PRKCE: variants seen among roughly 807,000 people sequenced by gnomAD.
The protein encoded by PRKCE is protein kinase C epsilon, also known as protein kinase C epsilon type.
In PRKCE, 16 loss-of-function variants were observed where a neutral mutation model predicts 85.4. That is an observed-to-expected ratio of 0.19 (90% confidence interval 0.13 to 0.28). PRKCE has a LOEUF of 0.28. Ranked by LOEUF, PRKCE falls within the 10% of genes least tolerant of loss-of-function variation. PRKCE has a pLI of 1.00. For synonymous variants in PRKCE, 388 were observed against 371.5 expected (o/e 1.04, Z -0.51); for missense variants, 573 against 975.2 (o/e 0.59, Z 5.49).
chr2:46,147,750 A>G (rs1676222286), intron 12 of PRKCE, among the ~76,000 whole-genome samples: 1 of 152,348 alleles, frequency 6.6e-6, no homozygotes, highest in South Asian at 2.1e-4. Context: ...TGCTGGCTAA[A>G]TGGTGGCTTC....
rs145586538 is a variant in PRKCE at position 46,107,239 on chromosome 2, G to A, written c.1592+20877G>A. 5.7e-3 allele frequency among the ~76,000 whole-genome samples: 862 copies of A among 152,224 alleles called. 10 individuals are homozygous for A. The highest frequency in any genetic ancestry group is 0.02 in the African/African-American group (818 of 41,514). The stretch of plus-strand genomic sequence containing the variant: ...GCCTTTGCAGAATGCCATTTAATTG[G>A]AATCAGACAGTGTGTAACCTTTTCA... On this transcript the variant is annotated intron_variant, in intron 11 of 14. Coordinates refer to ENST00000306156, the MANE Select transcript of PRKCE (RefSeq NM_005400.3).
chr2:46,037,893 G>C (rs972865369), intron 10 of PRKCE, among the ~76,000 whole-genome samples: 1 of 152,140 alleles, frequency 6.6e-6, no homozygotes, highest in Non-Finnish European at 1.5e-5. Context: ...GTTGGTTGTC[G>C]TTGGGCAAAT....
intron 13 of PRKCE, among the ~76,000 whole-genome samples, chr2:46,157,121 T>C (rs1050960407): frequency 6.6e-6 from 1 of 152,232 alleles, no homozygotes; most frequent in African/African-American, 2.4e-5. Context: ...TCTGAATCAC[T>C]GCAGAGGACT....
intron 13 of PRKCE, among the ~76,000 whole-genome samples, chr2:46,158,801 T>A (rs1004049877): frequency 1.3e-5 from 2 of 152,188 alleles, no homozygotes; most frequent in African/African-American, 4.8e-5. Flanking sequence ...CTACTGGCAC[T>A]TTTTTTCCCC....
intron 10 of PRKCE, among the ~76,000 whole-genome samples, chr2:46,060,722 T>C (rs1438537965): frequency 2.0e-5 from 3 of 151,908 alleles, no homozygotes; most frequent in Admixed American, 1.3e-4. Flanking sequence ...GTCAATCTTA[T>C]AGTCAGATTT....
intron 1 of PRKCE, among the ~76,000 whole-genome samples, chr2:45,802,248 C>T (rs1293322725): frequency 1.3e-5 from 2 of 152,046 alleles, no homozygotes; most frequent in Non-Finnish European, 2.9e-5. Context: ...CAGAGTGAGA[C>T]CCTATCATTC....
At chr2:45,690,706 G>A (rs1572954444) in intron 1 of PRKCE, among the ~76,000 whole-genome samples, 1 of 152,154 alleles carries the variant, frequency 6.6e-6, no homozygotes, top group East Asian at 1.9e-4. Flanking sequence ...AAGAAAGGGA[G>A]TTGTAGAATT....
At chr2:46,000,474 C>T (rs1441935269) in intron 6 of PRKCE, among the ~76,000 whole-genome samples, 2 of 151,626 alleles carry the variant, frequency 1.3e-5, no homozygotes, top group Non-Finnish European at 2.9e-5. Flanking sequence ...AAAAAACAAC[C>T]CTCAACCTCT....
intron 12 of PRKCE, among the ~76,000 whole-genome samples, chr2:46,148,938 A>G (rs988141781): frequency 5.3e-5 from 8 of 152,214 alleles, no homozygotes; most frequent in Non-Finnish European, 1.2e-4. Context: ...CTTACAGCTC[A>G]AGGAACACTA....
chr2:46,007,633 A>G lies in PRKCE; in HGVS notation c.1235A>G (p.Lys412Arg). Residue 412 changes from lysine (K) to arginine (R), a missense_variant, in exon 9 of 15, where the codon AAG (lysine) becomes AGG (arginine). Coordinates refer to ENST00000306156, the MANE Select transcript of PRKCE (RefSeq NM_005400.3). ...RLGLDEFNFI[K>R]VLGKGSFGKV... is the part of the protein sequence containing the mutation. ...GGCCTGGATGAGTTCAACTTCATCA[A>G]GGTGTTGGGCAAAGGCAGCTTTGGC... 1.3e-6 allele frequency: 2 copies of G among 1,599,800 alleles called. No individual in the cohort carries two copies. The highest frequency in any genetic ancestry group is 2.2e-5 in the East Asian group (1 of 44,876).
intron 1 of PRKCE, among the ~76,000 whole-genome samples, chr2:45,817,397 T>C (rs1351596109): frequency 6.6e-6 from 1 of 152,146 alleles, no homozygotes; most frequent in African/African-American, 2.4e-5. Context: ...AATACTTTCT[T>C]TAAAAAAACT....
chr2:45,699,936 G>A (rs958594913), intron 1 of PRKCE, among the ~76,000 whole-genome samples: 2 of 151,778 alleles, frequency 1.3e-5, no homozygotes, highest in Non-Finnish European at 2.9e-5. Context: ...GGGGAGCTGA[G>A]GGGTGCAGGG....
At chr2:45,969,830 G>T (rs547476015) in intron 2 of PRKCE, among the ~76,000 whole-genome samples, 2 of 152,120 alleles carry the variant, frequency 1.3e-5, no homozygotes, top group Non-Finnish European at 2.9e-5. Context: ...TGACATTGGG[G>T]TGTATTATTG....
intron 1 of PRKCE, among the ~76,000 whole-genome samples, chr2:45,759,170 C>T (rs1334903594): frequency 6.6e-6 from 1 of 152,200 alleles, no homozygotes; most frequent in Non-Finnish European, 1.5e-5. Context: ...TCTCTAGACA[C>T]ATACAGGGAC....
At chr2:45,667,272 C>T (rs1243896936) in intron 1 of PRKCE, among the ~76,000 whole-genome samples, 1 of 152,108 alleles carries the variant, frequency 6.6e-6, no homozygotes, top group Non-Finnish European at 1.5e-5. Context: ...GATCACACCA[C>T]TGCACTCCAG....
intron 10 of PRKCE, among the ~76,000 whole-genome samples, chr2:46,085,856 T>A (rs1210020677): frequency 2.0e-5 from 3 of 147,618 alleles, no homozygotes; most frequent in Non-Finnish European, 4.5e-5. Context: ...ACCACACATA[T>A]AAAGACAACT....
chr2:46,060,755 T>G (rs947882603), intron 10 of PRKCE, among the ~76,000 whole-genome samples: 6 of 151,560 alleles, frequency 4.0e-5, no homozygotes, highest in African/African-American at 1.5e-4. Context: ...TTTTTTTTTT[T>G]TTTGTTTTTT....
At chr2:46,136,289 G>T (rs1574566120) in intron 11 of PRKCE, among the ~76,000 whole-genome samples, 1 of 152,208 alleles carries the variant, frequency 6.6e-6, no homozygotes, top group East Asian at 1.9e-4. Context: ...AAGCATAAAA[G>T]AATTGTTTCC....
chr2:45,766,315 C>T (rs1460574485), intron 1 of PRKCE, among the ~76,000 whole-genome samples: 1 of 151,994 alleles, frequency 6.6e-6, no homozygotes, highest in Non-Finnish European at 1.5e-5. Flanking sequence ...CTTTTTTGGT[C>T]CTGGGTGCCG....
Sources: gnomAD v4.1 joint callset for allele counts (sites outside exome capture counted in the v4.1 genomes callset) on GRCh38, gnomAD v4.1.1 for gene constraint, MANE v1.5 for transcripts, NCBI Gene and HGNC (gene_info 2026-07-23, HGNC 2026-07-21) for gene names.